The following RBFOX1 variants were observed in gnomAD, a reference collection of about 807,000 sequenced individuals.
RBFOX1 encodes RNA binding protein fox-1 homolog 1.
In RBFOX1, 8 loss-of-function variants were observed where a neutral mutation model predicts 57.7. The ratio of observed to expected loss-of-function variants is 0.14; its 90% CI spans 0.08 to 0.25. The LOEUF is 0.25. Among genes scored for constraint, RBFOX1 ranks in the 10% least tolerant of loss-of-function variants. The probability of loss-of-function intolerance (pLI) is 1.00; values close to 1 mark genes in which losing one functional copy is unlikely to be tolerated. For missense variants in RBFOX1, 611 were observed against 548.5 expected (o/e 1.11, Z -1.14); for synonymous variants, 326 against 222.4 (o/e 1.47, Z -4.15).
At chr16:5,445,293 C>G (rs2068208179) in intron 1 of RBFOX1, among the ~76,000 whole-genome samples, 2 of 152,172 alleles carry the variant, frequency 1.3e-5, no homozygotes, top group East Asian at 1.9e-4. Flanking sequence ...ACTTATCTTT[C>G]TGACTTTTCC....
intron 4 of RBFOX1, among the ~76,000 whole-genome samples, chr16:7,136,180 T>C (rs2071897276): frequency 6.6e-6 from 1 of 152,184 alleles, no homozygotes; most frequent in Admixed American, 6.5e-5. Context: ...AGTTTGGCAT[T>C]TCCAAGGAAC....
At chr16:6,870,457 C>T (rs978411135) in intron 3 of RBFOX1, among the ~76,000 whole-genome samples, 2 of 152,128 alleles carry the variant, frequency 1.3e-5, no homozygotes, top group African/African-American at 2.4e-5. Context: ...TTAGTTGACA[C>T]ACGTCTGGCT....
chr16:7,214,891 C>CT (rs2091774844), intron 4 of RBFOX1, among the ~76,000 whole-genome samples: 1 of 152,016 alleles, frequency 6.6e-6, no homozygotes, highest in Admixed American at 6.6e-5. Flanking sequence ...TTTGTTTATT[C>CT]TTTTTATTTT....
chr16:7,233,378 G>C (rs1359338094), intron 4 of RBFOX1, among the ~76,000 whole-genome samples: 1 of 152,084 alleles, frequency 6.6e-6, no homozygotes, highest in African/African-American at 2.4e-5. Flanking sequence ...GTGCTTCCAA[G>C]TCCTGATCAC....
At chr16:6,064,774 G>A (rs1188583728) in intron 1 of RBFOX1, among the ~76,000 whole-genome samples, 1 of 152,046 alleles carries the variant, frequency 6.6e-6, no homozygotes, top group South Asian at 2.1e-4. Context: ...ACAATTTTCA[G>A]AAGGTCTTTT....
intron 2 of RBFOX1, among the ~76,000 whole-genome samples, chr16:6,446,501 G>A (rs1224261779): frequency 1.3e-5 from 2 of 152,148 alleles, no homozygotes; most frequent in South Asian, 4.1e-4. Flanking sequence ...TTTGGAGTAT[G>A]TTATTTATTT....
chr16:7,480,860 T>C (rs368739353), intron 4 of RBFOX1, among the ~76,000 whole-genome samples: 2 of 152,172 alleles, frequency 1.3e-5, no homozygotes, highest in African/African-American at 2.4e-5. Flanking sequence ...TGGATAAAAG[T>C]TGTCCTCCTG....
chr16:6,379,737 C>G (rs1567157530), intron 2 of RBFOX1, among the ~76,000 whole-genome samples: 1 of 150,792 alleles, frequency 6.6e-6, no homozygotes, highest in East Asian at 1.9e-4. Context: ...GGGAATATGC[C>G]AGAGACAGGT....
At chr16:5,684,055 TA>T (rs909191775) in intron 3 of RBFOX1, among the ~76,000 whole-genome samples, 7 of 152,032 alleles carry the variant, frequency 4.6e-5, no homozygotes, top group African/African-American at 1.7e-4. Flanking sequence ...AACTGGTGAT[TA>T]AAAAAATTAA....
At chr16:6,030,076 A>G (rs1241723884) in intron 1 of RBFOX1, among the ~76,000 whole-genome samples, 2 of 151,974 alleles carry the variant, frequency 1.3e-5, no homozygotes, top group African/African-American at 2.4e-5. Flanking sequence ...AAGCCTGGCT[A>G]ATTTTCGTGT....
intron 1 of RBFOX1, among the ~76,000 whole-genome samples, chr16:6,242,337 G>T (rs1308440253): frequency 2.6e-5 from 4 of 151,842 alleles, no homozygotes; most frequent in African/African-American, 4.8e-5. Flanking sequence ...GCCTGTATAG[G>T]TCTATGGTCT....
intron 4 of RBFOX1, among the ~76,000 whole-genome samples, chr16:7,308,072 G>T (rs1413925046): frequency 2.6e-5 from 4 of 152,164 alleles, no homozygotes; most frequent in Non-Finnish European, 5.9e-5. Flanking sequence ...GGTCAAAAGA[G>T]AACCTATTTT....
intron 3 of RBFOX1, among the ~76,000 whole-genome samples, chr16:5,735,009 T>C (rs908138797): frequency 6.6e-6 from 1 of 152,022 alleles, no homozygotes; most frequent in African/African-American, 2.4e-5. Context: ...AGAAGACAAC[T>C]CCAAGGAAGA....
At chr16:7,499,031 C>T (rs62011855) in intron 4 of RBFOX1, among the ~76,000 whole-genome samples, 12,061 of 152,180 alleles carry the variant, frequency 0.079, 631 homozygotes, top group East Asian at 0.12. Flanking sequence ...CTAGGTCTTC[C>T]GTGACTAGCA....
At chr16:6,747,661 C>G (rs996444876) in intron 3 of RBFOX1, among the ~76,000 whole-genome samples, 1 of 152,038 alleles carries the variant, frequency 6.6e-6, no homozygotes, top group African/African-American at 2.4e-5. Flanking sequence ...TATCCCACAC[C>G]ACCCCTACTA....
At chr16:5,516,408 A>G (rs1038798572) in intron 2 of RBFOX1, among the ~76,000 whole-genome samples, 3 of 151,876 alleles carry the variant, frequency 2.0e-5, no homozygotes, top group Non-Finnish European at 2.9e-5. Context: ...ATCACCTCTT[A>G]TATTCCATTC....
chr16:5,977,065 T>C (rs531646481), intron 4 of RBFOX1, among the ~76,000 whole-genome samples: 1 of 152,250 alleles, frequency 6.6e-6, no homozygotes, highest in African/African-American at 2.4e-5. Flanking sequence ...CAGAATCTCC[T>C]GTCTCAGAGC....
chr16:5,536,419 G>C (rs1030820437), intron 2 of RBFOX1, among the ~76,000 whole-genome samples: 1 of 151,886 alleles, frequency 6.6e-6, no homozygotes, highest in Non-Finnish European at 1.5e-5. Context: ...ATTTTTAGTA[G>C]AGATGGGATT....
intron 4 of RBFOX1, among the ~76,000 whole-genome samples, chr16:5,999,677 C>A (rs182056752): frequency 6.6e-6 from 1 of 151,664 alleles, no homozygotes; most frequent in Non-Finnish European, 1.5e-5. Context: ...CTGGCTAACA[C>A]GGTGAAACCG....
Sources: allele counts gnomAD v4.1 joint callset (sites outside exome capture counted in the v4.1 genomes callset), GRCh38; gene constraint gnomAD v4.1.1; transcripts MANE v1.5; gene names NCBI Gene and HGNC (gene_info 2026-07-23, HGNC 2026-07-21).